FGF1: variants seen among roughly 807,000 people sequenced by gnomAD.
FGF1 encodes the protein beta-endothelial cell growth factor.
FGF1 carries 9 observed loss-of-function variants against 13.4 expected under a neutral mutation model. The observed-to-expected ratio is 0.67, with a 90% CI of 0.40 to 1.17. The LOEUF (loss-of-function observed/expected upper bound fraction) is 1.17, where lower values mean the gene tolerates loss of function less well. Ranked by LOEUF, FGF1 falls within the 50% of genes most tolerant of loss-of-function variation. The probability of loss-of-function intolerance (pLI) is 0.01; values close to 1 mark genes in which losing one functional copy is unlikely to be tolerated. For missense variants in FGF1, 156 were observed against 192.7 expected, an observed-to-expected ratio of 0.81 and a Z score of 1.13; for synonymous variants, 93 against 79.0, an observed-to-expected ratio of 1.18 and a Z score of -0.94.
chr5:142,678,189 C>T (rs1389594783), intron 1 of FGF1, among the ~76,000 whole-genome samples: 1 of 152,132 alleles, frequency 6.6e-6, no homozygotes, highest in East Asian at 1.9e-4. Context: ...ACTTTCTCAC[C>T]TTCCTGAAAA....
chr5:142,630,216 T>C (rs1468605334), intron 1 of FGF1, among the ~76,000 whole-genome samples: 1 of 152,114 alleles, frequency 6.6e-6, no homozygotes, highest in Non-Finnish European at 1.5e-5. Context: ...TCTTGAGTGC[T>C]TGAGTACATT....
chr5:142,659,713 C>T lies in FGF1; in HGVS notation c.-35+26244G>A, dbSNP rs183941514. On this transcript the variant is annotated intron_variant, in intron 1 of 3. Transcript: ENST00000337706. ...ACAAAATCTTTCAGAGAGTTGCTGG[C>T]GGGAGGATTCAGTGACACATGTGAA... Among the ~76,000 whole-genome samples, 102 of 152,248 alleles carry T rather than the reference C, an allele frequency of 6.7e-4. 1 individual carries two copies. In the East Asian group the frequency reaches 0.017, roughly 25 times the overall value.
At chr5:142,639,564 G>A (rs557709214) in intron 1 of FGF1, among the ~76,000 whole-genome samples, 1 of 152,074 alleles carries the variant, frequency 6.6e-6, no homozygotes, top group East Asian at 1.9e-4. Context: ...GCCAGGAGCT[G>A]GGGAGAGGTG....
intron 1 of FGF1, among the ~76,000 whole-genome samples, chr5:142,646,509 C>T (rs375251684): frequency 7.9e-5 from 12 of 152,102 alleles, no homozygotes; most frequent in East Asian, 1.9e-4. Flanking sequence ...TGTGCCACCA[C>T]GCCCGGCTAC....
chr5:142,677,607 C>T (rs1597436535), intron 1 of FGF1, among the ~76,000 whole-genome samples: 1 of 152,324 alleles, frequency 6.6e-6, no homozygotes, highest in East Asian at 1.9e-4. Context: ...CTCAGCTTTA[C>T]TTTCCAGGCC....
At chr5:142,660,038 C>T (rs568529270) in intron 1 of FGF1, among the ~76,000 whole-genome samples, 11 of 152,320 alleles carry the variant, frequency 7.2e-5, no homozygotes, top group South Asian at 2.1e-4. Flanking sequence ...CTGAGCTGAC[C>T]GGTCCATAAA....
upstream of FGF1, among the ~76,000 whole-genome samples, chr5:142,687,906 C>G (rs928369781): frequency 6.6e-6 from 1 of 152,224 alleles, no homozygotes; most frequent in Non-Finnish European, 1.5e-5. Flanking sequence ...CAGATTCCCC[C>G]CCTCCTAGTG....
At chr5:142,612,587 G>A (rs1046275599) in intron 2 of FGF1, among the ~76,000 whole-genome samples, 1 of 151,910 alleles carries the variant, frequency 6.6e-6, no homozygotes, top group African/African-American at 2.4e-5. Context: ...AGTGAATATT[G>A]CTTATGTATG....
At chr5:142,680,834 CT>C (rs1446189979) in intron 1 of FGF1, 1 of 152,208 alleles carries the variant, frequency 6.6e-6, no homozygotes, top group African/African-American at 2.4e-5. Context: ...CAGACCTGAT[CT>C]TCTTTAATTG....
chr5:142,686,179 A>G (rs1255399113), upstream of FGF1: 1 of 151,092 alleles, frequency 6.6e-6, no homozygotes, highest in Non-Finnish European at 1.5e-5. Context: ...ACCCGTCCCT[A>G]GGGCTCTGTG....
chr5:142,653,345 CTATGAGG>C (rs1158485371), intron 1 of FGF1, among the ~76,000 whole-genome samples: 4 of 152,282 alleles, frequency 2.6e-5, no homozygotes, highest in African/African-American at 7.2e-5. Context: ...TCACTTATTC[CTATGAGG>C]TAGGTGCTGT....
intron 1 of FGF1, among the ~76,000 whole-genome samples, chr5:142,658,414 C>A (rs1178423249): frequency 6.6e-6 from 1 of 152,226 alleles, no homozygotes; most frequent in East Asian, 1.9e-4. Flanking sequence ...TGTTATTTCT[C>A]ACTGCCTAAA....
chr5:142,680,636 CA>C (rs1329996541), intron 1 of FGF1: 3 of 152,158 alleles, frequency 2.0e-5, no homozygotes, highest in African/African-American at 7.2e-5. Flanking sequence ...TAGGGCTTCA[CA>C]GTGTACCCAG....
At chr5:142,663,249 G>GAAAA (rs60474431) in intron 1 of FGF1, among the ~76,000 whole-genome samples, 20 of 138,652 alleles carry the variant, frequency 1.4e-4, no homozygotes, top group Admixed American at 3.0e-4. Context: ...AATCAGGAAA[G>GAAAA]AAAAAAAAAA....
chr5:142,666,239 ACCC>A (rs111928054), intron 1 of FGF1, among the ~76,000 whole-genome samples: 86,702 of 86,702 alleles, frequency 1, 43,351 homozygotes, highest in Non-Finnish European at 1. Flanking sequence ...TGGTTTCATA[ACCC>A]CACCAGAATG....
intron 1 of FGF1, among the ~76,000 whole-genome samples, chr5:142,647,401 G>A (rs1162464530): frequency 6.6e-6 from 1 of 152,128 alleles, no homozygotes; most frequent in Non-Finnish European, 1.5e-5. Flanking sequence ...CTTCTGTTGA[G>A]CTGCTATATA....
At chr5:142,608,514 A>G (rs1445471980) in intron 2 of FGF1, among the ~76,000 whole-genome samples, 1 of 143,278 alleles carries the variant, frequency 7.0e-6, no homozygotes, top group African/African-American at 2.5e-5. Flanking sequence ...ATATATGCAT[A>G]TACATATATA....
upstream of FGF1, among the ~76,000 whole-genome samples, chr5:142,687,859 T>C (rs111563465): frequency 9.5e-4 from 145 of 152,316 alleles, 1 homozygote; most frequent in African/African-American, 3.2e-3. Flanking sequence ...CTGCACTGTG[T>C]GGTTGGCCAT....
At chr5:142,635,858 A>G (rs561164777) in intron 1 of FGF1, among the ~76,000 whole-genome samples, 196 of 152,358 alleles carry the variant, frequency 1.3e-3, no homozygotes, top group Non-Finnish European at 2.4e-3. Context: ...CTAGAAAGGA[A>G]GGGAAGGCTT....
Sources: gnomAD v4.1 joint callset for allele counts (sites outside exome capture counted in the v4.1 genomes callset) on GRCh38, gnomAD v4.1.1 for gene constraint, MANE v1.5 for transcripts, NCBI Gene and HGNC (gene_info 2026-07-23, HGNC 2026-07-21) for gene names.